HEXD: variants seen among roughly 807,000 people sequenced by gnomAD.
HEXD encodes hexosaminidase D, also known as N-acetyl-beta-galactosaminidase.
Under a neutral mutation model 54.2 loss-of-function variants are expected in HEXD, and 47 were observed. That is an observed-to-expected ratio of 0.87 (90% CI 0.69 to 1.11). The LOEUF is 1.11. Among genes scored for constraint, HEXD ranks in the 50% least tolerant of loss-of-function variants. HEXD has a pLI of 0.00. For synonymous variants in HEXD, 293 were observed against 287.6 expected (o/e 1.02, Z -0.19); for missense variants, 576 against 649.2 (o/e 0.89, Z 1.23).
intron 2 of HEXD, among the ~76,000 whole-genome samples, chr17:82,424,077 G>A (rs984922437): frequency 3.3e-5 from 5 of 151,934 alleles, no homozygotes; most frequent in Admixed American, 6.6e-5. Context: ...TTGCTGGGCC[G>A]CCGTGCATGA....
intron 8 of HEXD, chr17:82,439,358 A>G (rs1317115948): frequency 1.1e-6 from 1 of 897,070 alleles, no homozygotes; most frequent in Admixed American, 6.2e-5. Flanking sequence ...CCCAAGGTCC[A>G]CCCAGAATTC....
Position 82,433,128 on chromosome 17 carries a change from AT to A in HEXD, c.283-514del, listed in dbSNP as rs758489285. Among the ~76,000 whole-genome samples the A allele has an allele frequency of 8.7e-3, 114 of 13,054 alleles. 3 individuals are homozygous for A. Among genetic ancestry groups the A allele is most frequent in the Admixed American group, 0.012 (8 of 666 alleles). The allele number at this position is 13,054 out of a possible 152,430, so 8.6% of individuals were successfully genotyped here. A position where few individuals can be genotyped will look rare whatever the true frequency, so the allele number is the denominator to read the frequency against. ...TATATATATATATATATATATATAT[AT>A]TTTTTTTTTTTTTTTATATATATAT... On this transcript the variant is annotated intron_variant, in intron 4 of 12. Coordinates refer to ENST00000327949, the MANE Select transcript of HEXD (RefSeq NM_001330542.2).
chr17:82,424,405 G>C lies in HEXD; in HGVS notation c.96G>C (p.Leu32=), dbSNP rs1368616311. 2.5e-6 allele frequency: 4 copies of C among 1,613,782 alleles called. No individual in the cohort carries two copies. Among genetic ancestry groups the C allele is most frequent in the South Asian group, 2.2e-5 (2 of 91,062 alleles). ...TGTTTACCCCCCAGATTTTTCCTCT[G>C]TTCCGTGCGCTAGGTGCAAACGGCC... ...KVSYLSEIFP[L]FRALGANGLL... Residue 32 remains leucine (L), a synonymous_variant, in exon 3 of 13, where the codon CTG becomes CTC. Transcript: ENST00000327949.
In HEXD at chr17:82,433,791, G is replaced by T; in HGVS notation, c.416G>T (p.Gly139Val). The T allele has an allele frequency of 6.2e-7, 1 of 1,612,876 alleles. No homozygotes were observed. Among genetic ancestry groups the T allele is most frequent in the Non-Finnish European group, 8.5e-7 (1 of 1,179,708 alleles). Residue 139 changes from glycine (G) to valine (V), a missense_variant, in exon 5 of 13, where the codon GGC (glycine) becomes GTC (valine). Physicochemically the swap from Gly to Val is moderately radical, Grantham distance 109. Coordinates refer to ENST00000327949, the MANE Select transcript of HEXD (RefSeq NM_001330542.2). ...GACCAGGTCCTGGAGCTACACCCAG[G>T]CGCCCAGCGGCTGCACATCGGGTGT... The part of the protein sequence containing the change: ...MIDQVLELHP[G>V]AQRLHIGCDE...
rs1460513189 is a variant in HEXD at position 82,433,092 on chromosome 17, ATATATATATATATATAT to A, written c.283-565_283-549del. ...AAAAAAAAAAGAAAAAAAAAAAAAA[ATATATATATATATATAT>A]ATATATATATATATATATATTTTTT... On this transcript the variant is annotated intron_variant, in intron 4 of 12. Transcript: ENST00000327949. Among the ~76,000 whole-genome samples the A allele has an allele frequency of 1.1e-3, 11 of 10,340 alleles. 3 individuals carry two copies. The highest frequency in any genetic ancestry group is 5.8e-3 in the African/African-American group (11 of 1,882). 6.8% of individuals were successfully genotyped at this position (10,340 alleles called of 152,430 possible). A position where few individuals can be genotyped will look rare whatever the true frequency, so the allele number is the denominator to read the frequency against.
At chr17:82,433,309 G>A (rs1047261153) in intron 4 of HEXD, among the ~76,000 whole-genome samples, 1 of 151,126 alleles carries the variant, frequency 6.6e-6, no homozygotes, top group Non-Finnish European at 1.5e-5. Flanking sequence ...AGGCGTGGTG[G>A]CACATGCCTG....
chr17:82,440,310 C>T (rs756356600), intron 9 of HEXD: 41 of 1,260,290 alleles, frequency 3.3e-5, no homozygotes, highest in African/African-American at 4.6e-5. Flanking sequence ...GCAGGCGCGG[C>T]GGCCCAGGGA....
At position 82,418,721 on chromosome 17, in the gene HEXD, G is replaced by C. The variant is rs2053139927; in HGVS notation, c.-71G>C. ...GGGCCTGGCTGCGCCCCCGGACCTC[G>C]CGGGACCGCGGCGGCGCAGGTGAGG... On this transcript the variant is annotated 5_prime_UTR_variant, in exon 1 of 13. Transcript: ENST00000327949. 1 of 154,922 alleles carries C rather than the reference G, an allele frequency of 6.5e-6. No homozygotes were observed. Among genetic ancestry groups the C allele is most frequent in the Admixed American group, 6.5e-5 (1 of 15,320 alleles). The allele number at this position is 154,922 out of a possible 1,614,324, so 9.6% of individuals were successfully genotyped here.
chr17:82,440,178 C>T (rs570817664), intron 9 of HEXD: 6 of 1,289,606 alleles, frequency 4.7e-6, no homozygotes, highest in East Asian at 5.5e-5. Context: ...CCCTTGGGGT[C>T]GGCAGGGGGC....
chr17:82,436,776 A>G (rs1309193799), intron 7 of HEXD, 38 bp downstream of exon 7: 1 of 1,579,436 alleles, frequency 6.3e-7, no homozygotes, highest in Non-Finnish European at 8.6e-7. Context: ...TGTCCTGGCC[A>G]TGTGCCTGGG....
In HEXD at chr17:82,433,670, C is replaced by G; in HGVS notation, c.295C>G (p.His99Asp). 6.3e-7 allele frequency: 1 copy of G among 1,599,080 alleles called. No homozygotes were observed. Among genetic ancestry groups the G allele is most frequent in the Non-Finnish European group, 8.5e-7 (1 of 1,174,920 alleles). ...TFGHMEFVLK[H>D]TAFAHLREVG... Reference sequence around the variant, plus strand: ...TGTCTCTCCGCAGTTTGTGCTGAAGCACACGGCCTTCGCCCACCTGCGGGA... The same window carrying G: ...TGTCTCTCCGCAGTTTGTGCTGAAGGACACGGCCTTCGCCCACCTGCGGGA... Residue 99 changes from histidine to aspartate, a missense_variant, in exon 5 of 13, where the codon CAC (histidine) becomes GAC (aspartate). Physicochemically the swap from His to Asp is moderately conservative, Grantham distance 81. Coordinates refer to ENST00000327949, the MANE Select transcript of HEXD (RefSeq NM_001330542.2).
rs1234337298 is a variant in HEXD at position 82,435,862 on chromosome 17, C to T, written c.621C>T (p.Asp207=). The T allele has an allele frequency of 6.2e-7, 1 of 1,606,084 alleles. No homozygotes were observed. The highest frequency in any genetic ancestry group is 8.5e-7 in the Non-Finnish European group (1 of 1,176,612). ...ACATGCTCCGAGACCTGCCTGAGGACCAGCTCGCAGGTCGGCCAACAGGGC... is the reference window on the plus strand; with the variant it reads ...ACATGCTCCGAGACCTGCCTGAGGATCAGCTCGCAGGTCGGCCAACAGGGC... ...WDDMLRDLPE[D]QLAASGVPQL... is the part of the protein sequence containing the mutation. Residue 207 remains aspartate, a synonymous_variant, in exon 6 of 13, where the codon GAC becomes GAT. Coordinates refer to ENST00000327949, the MANE Select transcript of HEXD (RefSeq NM_001330542.2).
chr17:82,418,779 C>T (rs4789770), intron 1 of HEXD, 39 bp downstream of exon 1: 43,305 of 152,632 alleles, frequency 0.28, 6,834 homozygotes, highest in East Asian at 0.68. Flanking sequence ...CGCGCTAGGC[C>T]GGGCGGCTCC....
At chr17:82,425,078 A>AGGCTG (rs1283696921) in intron 3 of HEXD, among the ~76,000 whole-genome samples, 2 of 149,254 alleles carry the variant, frequency 1.3e-5, no homozygotes, top group Non-Finnish European at 3.0e-5. Flanking sequence ...AGGCTGGAGA[A>AGGCTG]GGCTGGAGGA....
chr17:82,439,507 G>A (rs2143615150), intron 8 of HEXD, 124 bp from the exon 9 acceptor site: 3 of 1,463,636 alleles, frequency 2.0e-6, no homozygotes, highest in Non-Finnish European at 2.7e-6. Flanking sequence ...AGGGGGTCGG[G>A]CTGCCCCCAG....
At chr17:82,437,780 G>C (rs991825551) in intron 8 of HEXD, among the ~76,000 whole-genome samples, 1 of 152,242 alleles carries the variant, frequency 6.6e-6, no homozygotes, top group East Asian at 1.9e-4. Context: ...GCCAAGTGTG[G>C]TGAGGGAGGG....
chr17:82,433,128 ATTTTTTT>A (rs758489285), intron 4 of HEXD, among the ~76,000 whole-genome samples: 255 of 12,990 alleles, frequency 0.02, 23 homozygotes, highest in East Asian at 0.052. Flanking sequence ...ATATATATAT[ATTTTTTT>A]TTTTTTTTTA....
intron 3 of HEXD, chr17:82,425,467 A>G (rs1338635787): frequency 1.9e-5 from 3 of 154,786 alleles, no homozygotes; most frequent in African/African-American, 7.2e-5. Context: ...TTCAGGCCAC[A>G]GTTGAGCCTT....
Position 82,418,401 on chromosome 17 carries a change from C to G in HEXD, c.-391C>G, listed in dbSNP as rs2053125525. ...CGCCGCAGCGCGCGCCCTTCCCCTC[C>G]TCACCGCTACCTGCTCCGGTTCCGG... is the stretch of plus-strand genomic sequence containing the variant. On this transcript the variant is annotated 5_prime_UTR_variant, in exon 1 of 13. Coordinates refer to ENST00000327949, the MANE Select transcript of HEXD (RefSeq NM_001330542.2). 3 of 1,477,004 alleles carry G rather than the reference C, an allele frequency of 2.0e-6. No individual in the cohort carries two copies. Among genetic ancestry groups the G allele is most frequent in the Non-Finnish European group, 8.9e-7 (1 of 1,118,734 alleles). The allele number at this position is 1,477,004 out of a possible 1,614,324, so 91.5% of individuals were successfully genotyped here.
Sources: gnomAD v4.1 joint callset for allele counts (sites outside exome capture counted in the v4.1 genomes callset) on GRCh38, gnomAD v4.1.1 for gene constraint, MANE v1.5 for transcripts, NCBI Gene and HGNC (gene_info 2026-07-23, HGNC 2026-07-21) for gene names.